The following LRRC4C variants were observed in gnomAD, a reference collection of about 807,000 sequenced individuals.
LRRC4C encodes leucine rich repeat containing 4C.
A neutral mutation model predicts 33.6 loss-of-function variants in LRRC4C; 5 were observed. The observed-to-expected ratio is 0.15, with a 90% CI of 0.08 to 0.31. LRRC4C has a LOEUF of 0.31. Among genes scored for constraint, LRRC4C ranks in the 10% least tolerant of loss-of-function variants. The pLI is 1.00. For missense variants in LRRC4C, 560 were observed against 796.7 expected (o/e 0.70, Z 3.58); for synonymous variants, 329 against 302.0 (o/e 1.09, Z -0.93).
intron 1 of LRRC4C, among the ~76,000 whole-genome samples, chr11:41,277,666 G>A (rs1351504027): frequency 2.6e-5 from 4 of 152,164 alleles, no homozygotes; most frequent in Middle Eastern, 3.4e-3. Flanking sequence ...AATATCCGCA[G>A]GTGACAATTG....
intron 4 of LRRC4C, among the ~76,000 whole-genome samples, chr11:40,314,288 A>G (rs1038087897): frequency 6.6e-6 from 1 of 152,128 alleles, no homozygotes; most frequent in Non-Finnish European, 1.5e-5. Flanking sequence ...GGCCAAAAAT[A>G]CATGAAAAAA....
intron 3 of LRRC4C, among the ~76,000 whole-genome samples, chr11:40,456,271 T>G (rs1165519135): frequency 6.6e-6 from 1 of 152,106 alleles, no homozygotes; most frequent in Non-Finnish European, 1.5e-5. Flanking sequence ...CAAATTAAAT[T>G]TATCTATATG....
At chr11:40,393,267 C>T (rs895233363) in intron 3 of LRRC4C, among the ~76,000 whole-genome samples, 18 of 152,094 alleles carry the variant, frequency 1.2e-4, no homozygotes, top group Admixed American at 2.0e-4. Flanking sequence ...TAATATCCTA[C>T]GTACATGCTT....
At chr11:40,451,733 A>C (rs1446653019) in intron 3 of LRRC4C, among the ~76,000 whole-genome samples, 5 of 152,120 alleles carry the variant, frequency 3.3e-5, no homozygotes, top group Non-Finnish European at 5.9e-5. Context: ...GTAACTAATT[A>C]GAATACTTAG....
Position 41,172,956 on chromosome 11 carries a change from C to T in LRRC4C, c.-495-239233G>A, listed in dbSNP as rs537423998. On this transcript the variant is annotated intron_variant, in intron 1 of 6. Coordinates refer to ENST00000528697, the MANE Select transcript of LRRC4C (RefSeq NM_001258419.2). ...GATAAGGAGACTGAGGCTAAAATTC[C>T]GAGATGGGTCCAGAAACCCAAGTTC... is the stretch of plus-strand genomic sequence containing the variant. 1.2e-3 allele frequency among the ~76,000 whole-genome samples: 187 copies of T among 152,058 alleles called. 1 individual carries two copies. Among genetic ancestry groups the T allele is most frequent in the African/African-American group, 4.4e-3 (181 of 41,504 alleles).
chr11:41,169,805 T>G (rs1382907871), intron 1 of LRRC4C, among the ~76,000 whole-genome samples: 1 of 152,194 alleles, frequency 6.6e-6, no homozygotes, highest in Non-Finnish European at 1.5e-5. Context: ...GCTGCATACT[T>G]TCAATTCCCC....
At chr11:40,326,945 C>T (rs1201304927) in intron 3 of LRRC4C, among the ~76,000 whole-genome samples, 4 of 152,116 alleles carry the variant, frequency 2.6e-5, no homozygotes, top group Non-Finnish European at 5.9e-5. Flanking sequence ...GTTTCAAACA[C>T]AGCTGTAGAA....
chr11:41,380,887 A>C (rs978075854), intron 1 of LRRC4C, among the ~76,000 whole-genome samples: 2 of 152,180 alleles, frequency 1.3e-5, no homozygotes, highest in African/African-American at 4.8e-5. Flanking sequence ...TAGGTTAGAC[A>C]CAAACCTACT....
chr11:40,818,877 C>A (rs117724878), intron 2 of LRRC4C, among the ~76,000 whole-genome samples: 4,334 of 152,204 alleles, frequency 0.028, 119 homozygotes, highest in Admixed American at 0.079. Flanking sequence ...TAGCCTGTCA[C>A]TTCACTGAGG....
chr11:41,338,834 A>T (rs1338177391), intron 1 of LRRC4C, among the ~76,000 whole-genome samples: 2 of 152,066 alleles, frequency 1.3e-5, no homozygotes, highest in Non-Finnish European at 2.9e-5. Context: ...CTACTCTCTA[A>T]AAAAAAATCT....
chr11:40,122,609 G>C (rs1373225952), intron 6 of LRRC4C, among the ~76,000 whole-genome samples: 3 of 151,974 alleles, frequency 2.0e-5, no homozygotes, highest in Non-Finnish European at 4.4e-5. Flanking sequence ...TTTGTGAGGT[G>C]GTTCTTTTCC....
intron 5 of LRRC4C, among the ~76,000 whole-genome samples, chr11:40,201,915 A>T (rs1273470132): frequency 6.6e-6 from 1 of 152,182 alleles, no homozygotes; most frequent in Admixed American, 6.5e-5. Flanking sequence ...ATCACACCTT[A>T]CATTTGGCTA....
chr11:40,902,852 G>A (rs561936571), intron 2 of LRRC4C, among the ~76,000 whole-genome samples: 1 of 152,212 alleles, frequency 6.6e-6, no homozygotes, highest in Non-Finnish European at 1.5e-5. Flanking sequence ...AGCAGAGTTT[G>A]GTCTAGGGGG....
chr11:40,668,053 C>T (rs567131564), intron 2 of LRRC4C, among the ~76,000 whole-genome samples: 2 of 152,250 alleles, frequency 1.3e-5, no homozygotes, highest in East Asian at 3.9e-4. Context: ...ATAGGTCAGG[C>T]CCCCACTGTG....
At chr11:40,643,904 C>A (rs1443501735) in intron 3 of LRRC4C, among the ~76,000 whole-genome samples, 1 of 152,086 alleles carries the variant, frequency 6.6e-6, no homozygotes, top group Non-Finnish European at 1.5e-5. Context: ...TAAACAATAT[C>A]CAGAATCTCA....
intron 2 of LRRC4C, among the ~76,000 whole-genome samples, chr11:40,725,195 G>A (rs1947228184): frequency 6.6e-6 from 1 of 152,166 alleles, no homozygotes; most frequent in Non-Finnish European, 1.5e-5. Flanking sequence ...TTACTGAAGT[G>A]AGACTCTGGC....
chr11:41,403,401 T>C (rs1954098623), intron 1 of LRRC4C, among the ~76,000 whole-genome samples: 1 of 152,086 alleles, frequency 6.6e-6, no homozygotes, highest in Non-Finnish European at 1.5e-5. Context: ...TCTGTATATA[T>C]AGACATATAT....
At chr11:40,859,572 T>C (rs1024179113) in intron 2 of LRRC4C, among the ~76,000 whole-genome samples, 3 of 151,964 alleles carry the variant, frequency 2.0e-5, no homozygotes, top group South Asian at 2.1e-4. Context: ...AGAATGACCA[T>C]ATGACCCAGC....
At chr11:41,381,093 C>A (rs1047414153) in intron 1 of LRRC4C, among the ~76,000 whole-genome samples, 7 of 152,070 alleles carry the variant, frequency 4.6e-5, no homozygotes, top group African/African-American at 1.7e-4. Context: ...CATCCCTGGG[C>A]ATATAGAGAA....
Sources: gnomAD v4.1 joint callset for allele counts (sites outside exome capture counted in the v4.1 genomes callset) on GRCh38, gnomAD v4.1.1 for gene constraint, MANE v1.5 for transcripts, NCBI Gene and HGNC (gene_info 2026-07-23, HGNC 2026-07-21) for gene names.